The following CTNNA2 variants were observed in gnomAD, a reference collection of about 807,000 sequenced individuals.
The protein encoded by CTNNA2 is catenin alpha 2.
CTNNA2 carries 42 observed loss-of-function variants against 101.0 expected under a neutral mutation model. The observed-to-expected ratio is 0.42, with a 90% CI of 0.32 to 0.54. The LOEUF is 0.54. CTNNA2 is among the 20% of genes least tolerant of loss of function. CTNNA2 has a pLI of 0.14. For missense variants in CTNNA2, 871 were observed against 1,223.1 expected (o/e 0.71, Z 4.29); for synonymous variants, 450 against 456.4 (o/e 0.99, Z 0.18).
At chr2:80,149,978 C>T (rs766449337) in intron 7 of CTNNA2, among the ~76,000 whole-genome samples, 7 of 152,174 alleles carry the variant, frequency 4.6e-5, no homozygotes, top group Non-Finnish European at 1.0e-4. Context: ...TTCATTATCT[C>T]CTGCACCTCC....
chr2:79,976,636 T>C (rs1211036680), intron 7 of CTNNA2, among the ~76,000 whole-genome samples: 1 of 152,206 alleles, frequency 6.6e-6, no homozygotes, highest in African/African-American at 2.4e-5. Context: ...TACGATTACA[T>C]TTTAACCTCA....
chr2:80,223,042 T>A (rs1171180039), intron 7 of CTNNA2, among the ~76,000 whole-genome samples: 1 of 152,188 alleles, frequency 6.6e-6, no homozygotes, highest in Non-Finnish European at 1.5e-5. Flanking sequence ...CATGCAGCTC[T>A]CCATAATCTG....
intron 9 of CTNNA2, among the ~76,000 whole-genome samples, chr2:80,534,232 G>A (rs4422183): frequency 0.52 from 78,408 of 152,022 alleles, 21,360 homozygotes; most frequent in African/African-American, 0.7. Context: ...ATGTATAACT[G>A]TAGTCAAGGG....
intron 13 of CTNNA2, among the ~76,000 whole-genome samples, chr2:80,575,480 G>A (rs1694963816): frequency 6.6e-6 from 1 of 151,956 alleles, no homozygotes; most frequent in Non-Finnish European, 1.5e-5. Flanking sequence ...AAATATGGGA[G>A]GGGGACAGAG....
At chr2:80,105,463 C>T (rs534681411) in intron 7 of CTNNA2, among the ~76,000 whole-genome samples, 28 of 152,306 alleles carry the variant, frequency 1.8e-4, no homozygotes, top group African/African-American at 2.2e-4. Flanking sequence ...GTAGCTCACA[C>T]GTATAATCTC....
chr2:79,633,572 C>G (rs1346851), intron 1 of CTNNA2: 51,528 of 152,070 alleles, frequency 0.34, 9,616 homozygotes, highest in East Asian at 0.64. Context: ...AGAGCAGGGG[C>G]CTTTGAGAGG....
intron 11 of CTNNA2, among the ~76,000 whole-genome samples, chr2:80,551,026 A>G (rs895573519): frequency 3.3e-5 from 5 of 152,204 alleles, no homozygotes; most frequent in African/African-American, 1.2e-4. Flanking sequence ...TTGAAAGTCA[A>G]AATGACTCCT....
At chr2:79,908,112 T>C (rs993608802) in intron 6 of CTNNA2, among the ~76,000 whole-genome samples, 3 of 152,198 alleles carry the variant, frequency 2.0e-5, no homozygotes, top group African/African-American at 7.2e-5. Context: ...TAAGCAGTTA[T>C]TGTATATACT....
rs571943734 is a variant in CTNNA2, at chr2:80,022,925, C to T, written c.1056+113128C>T. On this transcript the variant is annotated intron_variant, in intron 7 of 18. Coordinates refer to ENST00000402739, the MANE Select transcript of CTNNA2 (RefSeq NM_001282597.3). ...ATCTGGGGTCCGTTGGGAGCTTTAC[C>T]AAGCCTAAGATCTCCCTCCAATGGA... is the stretch of plus-strand genomic sequence containing the variant. Among the ~76,000 whole-genome samples, 3 of 152,236 alleles carry T rather than the reference C, an allele frequency of 2.0e-5. No individual in the cohort carries two copies. In the East Asian group the frequency reaches 5.8e-4, roughly 29 times the overall value.
intron 7 of CTNNA2, among the ~76,000 whole-genome samples, chr2:80,020,260 T>C (rs1694459820): frequency 6.6e-6 from 1 of 152,054 alleles, no homozygotes. Context: ...TGGAATGGAG[T>C]CTGTTTCATG....
At chr2:80,502,227 A>G (rs1687932099) in intron 9 of CTNNA2, among the ~76,000 whole-genome samples, 1 of 152,196 alleles carries the variant, frequency 6.6e-6, no homozygotes, top group Non-Finnish European at 1.5e-5. Flanking sequence ...TAAGTCATTT[A>G]AATCTTTGTT....
At chr2:80,617,577 TTTCTA>T (rs1468746885) in intron 17 of CTNNA2, among the ~76,000 whole-genome samples, 1 of 151,828 alleles carries the variant, frequency 6.6e-6, no homozygotes, top group Non-Finnish European at 1.5e-5. Context: ...TTTTTTTTCT[TTTCTA>T]TTTACTTTAA....
intron 2 of CTNNA2, among the ~76,000 whole-genome samples, chr2:79,266,568 A>C (rs1339293716): frequency 6.6e-6 from 1 of 152,156 alleles, no homozygotes; most frequent in Non-Finnish European, 1.5e-5. Flanking sequence ...ATGTAATTCC[A>C]GGAAGGGATT....
intron 1 of CTNNA2, among the ~76,000 whole-genome samples, chr2:79,189,451 T>C (rs907508945): frequency 3.9e-5 from 6 of 152,194 alleles, no homozygotes; most frequent in Admixed American, 1.3e-4. Context: ...TATTTTCTTC[T>C]CTGTTCTTTT....
At chr2:79,318,363 G>A (rs1676545009) in intron 3 of CTNNA2, among the ~76,000 whole-genome samples, 1 of 152,030 alleles carries the variant, frequency 6.6e-6, no homozygotes, top group Admixed American at 6.6e-5. Flanking sequence ...AAAGAAAAAA[G>A]AAGAAAAAAA....
At chr2:79,394,654 G>T (rs1227875946) in intron 4 of CTNNA2, among the ~76,000 whole-genome samples, 2 of 152,104 alleles carry the variant, frequency 1.3e-5, no homozygotes, top group African/African-American at 4.8e-5. Context: ...GTACCCTTCT[G>T]ACCCTGCAGG....
intron 12 of CTNNA2, among the ~76,000 whole-genome samples, chr2:80,569,977 T>C (rs1694433167): frequency 6.6e-6 from 1 of 151,800 alleles, no homozygotes; most frequent in South Asian, 2.1e-4. Context: ...ATTAGAAAAA[T>C]TAATAGTCAA....
chr2:80,075,684 A>ATTTT (rs1698680288), intron 7 of CTNNA2, among the ~76,000 whole-genome samples: 2 of 80,738 alleles, frequency 2.5e-5, no homozygotes, highest in Non-Finnish European at 4.6e-5. Flanking sequence ...ATATTATAAA[A>ATTTT]ATAATATTTA....
chr2:79,342,820 C>T (rs191421389), intron 3 of CTNNA2, among the ~76,000 whole-genome samples: 1 of 152,210 alleles, frequency 6.6e-6, no homozygotes, highest in East Asian at 1.9e-4. Flanking sequence ...TACCATGTGC[C>T]TAAGGATGAG....
Sources: gnomAD v4.1 joint callset for allele counts (sites outside exome capture counted in the v4.1 genomes callset) on GRCh38, gnomAD v4.1.1 for gene constraint, MANE v1.5 for transcripts, NCBI Gene and HGNC (gene_info 2026-07-23, HGNC 2026-07-21) for gene names.